PRKN: variants seen among roughly 807,000 people sequenced by gnomAD.
The protein encoded by PRKN is parkin RBR E3 ubiquitin protein ligase, also known as E3 ubiquitin-protein ligase parkin.
In PRKN, 56 loss-of-function variants were observed where a neutral mutation model predicts 59.5. The observed-to-expected ratio is 0.94, with a 90% CI of 0.76 to 1.18. The LOEUF is 1.18. PRKN is among the 50% of genes most tolerant of loss of function. The pLI is 0.00. For missense variants in PRKN, 657 were observed against 596.4 expected (o/e 1.10, Z -1.06); for synonymous variants, 250 against 222.1 (o/e 1.13, Z -1.12).
At chr6:161,880,374 C>T (rs1217038901) in intron 6 of PRKN, among the ~76,000 whole-genome samples, 1 of 152,242 alleles carries the variant, frequency 6.6e-6, no homozygotes, top group African/African-American at 2.4e-5. Context: ...AAATGTAAAG[C>T]TCTATGGCAC....
intron 6 of PRKN, among the ~76,000 whole-genome samples, chr6:161,963,193 A>G (rs751412669): frequency 1.3e-5 from 2 of 152,138 alleles, no homozygotes; most frequent in Non-Finnish European, 2.9e-5. Context: ...ACACCCACCA[A>G]CAGAAAATGA....
In PRKN at chr6:161,755,138, G is replaced by A. The variant is rs142406180; in HGVS notation, c.871+30634C>T. On this transcript the variant is annotated intron_variant, in intron 7 of 11. Coordinates refer to ENST00000366898, the MANE Select transcript of PRKN (RefSeq NM_004562.3). ...TCATTGATAACATTGCATACCCATAGCGTGTGACAGTTTTCTCAGGGGCTG... is the reference window on the plus strand; with the variant it reads ...TCATTGATAACATTGCATACCCATAACGTGTGACAGTTTTCTCAGGGGCTG... 1.5e-3 allele frequency among the ~76,000 whole-genome samples: 233 copies of A among 152,300 alleles called. 1 individual carries two copies. Among genetic ancestry groups the A allele is most frequent in the African/African-American group, 5.2e-3 (218 of 41,560 alleles).
rs1346323364 is a variant in PRKN, at chr6:161,722,636, T to C, written c.871+63136A>G. ...TGCCCCACGAAGTTGATCCAATTTA[T>C]ACTCCTGTCAGTATTTTTTGTGATT... On this transcript the variant is annotated intron_variant, in intron 7 of 11. Transcript: ENST00000366898. Among the ~76,000 whole-genome samples the C allele has an allele frequency of 4.6e-5, 7 of 152,348 alleles. No individual in the cohort carries two copies. The East Asian group carries it at 1.3e-3, about 29-fold the overall frequency.
chr6:161,897,226 C>T (rs536546457), intron 6 of PRKN, among the ~76,000 whole-genome samples: 3 of 152,326 alleles, frequency 2.0e-5, no homozygotes, highest in African/African-American at 7.2e-5. Context: ...CCTCCTCAAG[C>T]CCAGAAGCCT....
intron 1 of PRKN, among the ~76,000 whole-genome samples, chr6:162,718,112 A>T (rs1033546403): frequency 3.9e-5 from 6 of 152,288 alleles, no homozygotes; most frequent in South Asian, 4.1e-4. Flanking sequence ...AACACTTTTT[A>T]AAAAAGATCT....
intron 1 of PRKN, among the ~76,000 whole-genome samples, chr6:162,699,284 C>T (rs1415516379): frequency 6.6e-6 from 1 of 152,040 alleles, no homozygotes; most frequent in African/African-American, 2.4e-5. Flanking sequence ...AAAAGACTAA[C>T]AAGAAAAAAT....
At chr6:162,349,496 A>G (rs1375802927) in intron 2 of PRKN, among the ~76,000 whole-genome samples, 1 of 151,816 alleles carries the variant, frequency 6.6e-6, no homozygotes, top group African/African-American at 2.4e-5. Flanking sequence ...CAAAAAATGA[A>G]TGACTACTTT....
In PRKN at chr6:161,428,664, G is replaced by T. The variant is rs949809007; in HGVS notation, c.1084-41787C>A. Among the ~76,000 whole-genome samples, 1 of 152,174 alleles carries T rather than the reference G, an allele frequency of 6.6e-6. No individual in the cohort carries two copies. Among genetic ancestry groups the T allele is most frequent in the African/African-American group, 2.4e-5 (1 of 41,434 alleles). On this transcript the variant is annotated intron_variant, in intron 9 of 11. Transcript: ENST00000366898. This position sits in a 1 kb window ranked among gnomAD's most constrained non-coding sequence, Gnocchi z 4.0. ...TGTCAACTGCTACTGTCTTGCTAAA[G>T]AATCAGCAATTCACACATATAATAA...
chr6:161,691,934 C>A (rs1785813515), intron 7 of PRKN, among the ~76,000 whole-genome samples: 2 of 152,116 alleles, frequency 1.3e-5, no homozygotes, highest in Admixed American at 6.6e-5. Flanking sequence ...AAGACAGAAA[C>A]TGTGATGACA....
intron 4 of PRKN, among the ~76,000 whole-genome samples, chr6:162,193,620 A>C (rs1784380023): frequency 1.3e-5 from 2 of 152,272 alleles, no homozygotes; most frequent in South Asian, 4.1e-4. Flanking sequence ...GAACAAATGA[A>C]GCTTTTGTGA....
intron 2 of PRKN, among the ~76,000 whole-genome samples, chr6:162,430,461 G>C (rs1240407746): frequency 6.6e-6 from 1 of 152,132 alleles, no homozygotes; most frequent in African/African-American, 2.4e-5. Context: ...ACTGTGACCT[G>C]AAAGATTGTT....
chr6:162,162,044 A>C (rs1782781525), intron 4 of PRKN, among the ~76,000 whole-genome samples: 1 of 152,190 alleles, frequency 6.6e-6, no homozygotes, highest in African/African-American at 2.4e-5. Context: ...GAAAACTACA[A>C]GTTGAAGAAC....
intron 7 of PRKN, among the ~76,000 whole-genome samples, chr6:161,590,903 G>A (rs1474483726): frequency 6.6e-6 from 1 of 152,128 alleles, no homozygotes. Context: ...AAGAGATGTG[G>A]CAACTGGATG....
intron 1 of PRKN, among the ~76,000 whole-genome samples, chr6:162,656,527 C>T (rs769930113): frequency 7.9e-5 from 12 of 152,174 alleles, no homozygotes; most frequent in South Asian, 2.1e-4. Flanking sequence ...ACATTCAATC[C>T]GACAATTGAA....
chr6:162,283,837 T>C (rs1781040002), intron 2 of PRKN, among the ~76,000 whole-genome samples: 2 of 152,200 alleles, frequency 1.3e-5, no homozygotes, highest in Admixed American at 6.5e-5. Context: ...TATTAGATCC[T>C]GACCCCTGCT....
intron 3 of PRKN, among the ~76,000 whole-genome samples, chr6:162,252,857 C>T (rs540441829): frequency 1.3e-5 from 2 of 152,222 alleles, no homozygotes; most frequent in African/African-American, 4.8e-5. Flanking sequence ...ACTATATTTC[C>T]CATTTTCAAA....
At chr6:161,366,913 T>C (rs1785222989) in intron 10 of PRKN, among the ~76,000 whole-genome samples, 1 of 152,086 alleles carries the variant, frequency 6.6e-6, no homozygotes, top group Admixed American at 6.6e-5. Context: ...GCTTTTTTGT[T>C]TTTTTTCTTG....
In PRKN at chr6:161,514,234, AT is replaced by A. The variant is rs566206954; in HGVS notation, c.1083+34619del. 4.5e-3 allele frequency among the ~76,000 whole-genome samples: 689 copies of A among 152,192 alleles called. 3 individuals carry two copies. Among genetic ancestry groups the A allele is most frequent in the African/African-American group, 0.015 (630 of 41,526 alleles). ...ACCCCAGAGTCCTTGCTTTCTCAAG[AT>A]TTCTGCAAATGAAAGATATTTATTT... On this transcript the variant is annotated intron_variant, in intron 9 of 11. Coordinates refer to ENST00000366898, the MANE Select transcript of PRKN (RefSeq NM_004562.3).
chr6:162,167,570 A>C (rs1009813131), intron 4 of PRKN, among the ~76,000 whole-genome samples: 3 of 152,062 alleles, frequency 2.0e-5, no homozygotes, highest in African/African-American at 7.2e-5. Flanking sequence ...AACTTGGCTA[A>C]AGCGAGCTTT....
Sources: gnomAD v4.1 joint callset for allele counts (sites outside exome capture counted in the v4.1 genomes callset) on GRCh38, gnomAD v4.1.1 for gene constraint, Gnocchi (gnomAD v3.1) non-coding constraint, MANE v1.5 for transcripts, NCBI Gene and HGNC (gene_info 2026-07-23, HGNC 2026-07-21) for gene names.